Variants in SUSD1 observed in about 807,000 individuals in gnomAD.
The protein encoded by SUSD1 is sushi domain containing 1.
SUSD1 carries 65 observed loss-of-function variants against 86.9 expected under a neutral mutation model. The ratio of observed to expected loss-of-function variants is 0.75; its 90% CI spans 0.61 to 0.92. The LOEUF is 0.92. SUSD1 is among the 40% of genes least tolerant of loss of function. The pLI is 0.00. For synonymous variants in SUSD1, 346 were observed against 350.0 expected (o/e 0.99, Z 0.13); for missense variants, 850 against 929.7 (o/e 0.91, Z 1.11).
At chr9:112,053,513 C>CA (rs56987871) in intron 14 of SUSD1, among the ~76,000 whole-genome samples, 43,662 of 77,842 alleles carry the variant, frequency 0.56, 13,228 homozygotes, top group Middle Eastern at 0.73. Flanking sequence ...GACTTCGTCT[C>CA]AAAAAAAAAA....
At chr9:112,119,815 C>T (rs1245297455) in intron 6 of SUSD1, among the ~76,000 whole-genome samples, 1 of 152,134 alleles carries the variant, frequency 6.6e-6, no homozygotes. Flanking sequence ...AAAAATAAGT[C>T]CCACCAGCTT....
intron 15 of SUSD1, among the ~76,000 whole-genome samples, chr9:112,044,036 G>A (rs2118829744): frequency 6.6e-6 from 1 of 152,224 alleles, no homozygotes; most frequent in South Asian, 2.1e-4. Flanking sequence ...TTGACCTCAG[G>A]CGATCTGCCC....
chr9:112,083,471 G>A (rs1184887984), intron 10 of SUSD1, among the ~76,000 whole-genome samples: 1 of 152,042 alleles, frequency 6.6e-6, no homozygotes, highest in Admixed American at 6.6e-5. Context: ...CAAGTGATCC[G>A]CCCACCTTGG....
At chr9:112,081,456 CAGG>C (rs1829765258) in intron 10 of SUSD1, among the ~76,000 whole-genome samples, 1 of 152,158 alleles carries the variant, frequency 6.6e-6, no homozygotes, top group African/African-American at 2.4e-5. Flanking sequence ...TGGTAAGGAA[CAGG>C]AGGAGTACAG....
intron 2 of SUSD1, among the ~76,000 whole-genome samples, chr9:112,155,890 A>G (rs13439915): frequency 0.23 from 34,398 of 150,696 alleles, 4,245 homozygotes; most frequent in South Asian, 0.36. Context: ...AGAAGGAGAG[A>G]GGGAGAAGGA....
At chr9:112,087,765 T>C (rs534075505) in intron 10 of SUSD1, among the ~76,000 whole-genome samples, 109 of 152,320 alleles carry the variant, frequency 7.2e-4, no homozygotes, top group African/African-American at 2.6e-3. Context: ...TATAATTAAA[T>C]TATCTGAAGA....
At chr9:112,103,019 A>G (rs1438186793) in intron 8 of SUSD1, 1 of 354,734 alleles carries the variant, frequency 2.8e-6, no homozygotes, top group African/African-American at 2.2e-5. Flanking sequence ...GTCAGGAATA[A>G]TATCAGTGAT....
chr9:112,082,824 C>A (rs571003967), intron 10 of SUSD1, among the ~76,000 whole-genome samples: 1 of 152,202 alleles, frequency 6.6e-6, no homozygotes, highest in African/African-American at 2.4e-5. Context: ...CTCAAGTGAT[C>A]CCCCTGCCTC....
At chr9:112,116,029 A>G (rs1831309792) in intron 6 of SUSD1, among the ~76,000 whole-genome samples, 2 of 151,958 alleles carry the variant, frequency 1.3e-5, no homozygotes, top group South Asian at 2.1e-4. Flanking sequence ...GCTCACTTAC[A>G]CATCCCTTTG....
rs369646062 is a variant in SUSD1 at position 112,063,129 on chromosome 9, T to C, written c.1754-96A>G. On this transcript the variant is annotated intron_variant, in intron 12 of 16. Coordinates refer to ENST00000374270, the MANE Select transcript of SUSD1 (RefSeq NM_022486.5). ...CGTGAGGGCTATCAAAAAGAAAGTT[T>C]TAATTTCAGAAGCGAGGAGCCTATT... 147 of 736,346 alleles carry C rather than the reference T, an allele frequency of 2.0e-4. 1 individual carries two copies. In the East Asian group the frequency reaches 3.4e-3, roughly 17 times the overall value. The allele number at this position is 736,346 out of a possible 1,614,324, so 45.6% of individuals were successfully genotyped here. A position where few individuals can be genotyped will look rare whatever the true frequency, so the allele number is the denominator to read the frequency against.
intron 5 of SUSD1, among the ~76,000 whole-genome samples, chr9:112,127,466 C>A (rs1831822782): frequency 6.6e-6 from 1 of 152,184 alleles, no homozygotes; most frequent in South Asian, 2.1e-4. Context: ...TGCACTCACA[C>A]CTTCTTCTGC....
chr9:112,097,193 G>A (rs1830431487), intron 10 of SUSD1, among the ~76,000 whole-genome samples: 1 of 151,644 alleles, frequency 6.6e-6, no homozygotes, highest in Non-Finnish European at 1.5e-5. Flanking sequence ...GGGCATGGTG[G>A]TATGCGCCTG....
chr9:112,175,148 C>T lies in SUSD1; in HGVS notation c.88G>A (p.Ala30Thr). ...LLGLARGAAG[A>T]PGPDGLDVCA... ...CCGCACTCACCGTCGGGGCCCGGCG[C>T]TCCCGCGGCGCCGCGGGCCAGGCCG... Residue 30 changes from alanine (A) to threonine (T), a missense_variant, in exon 1 of 17, where the codon GCG becomes ACG. Transcript: ENST00000374270. This position sits in a 1 kb window ranked among gnomAD's most constrained non-coding sequence, Gnocchi z 4.7. 3 of 1,072,644 alleles carry T rather than the reference C, an allele frequency of 2.8e-6. No individual in the cohort carries two copies. Among genetic ancestry groups the T allele is most frequent in the Non-Finnish European group, 3.4e-6 (3 of 889,198 alleles). The allele number at this position is 1,072,644 out of a possible 1,614,324, so 66.4% of individuals were successfully genotyped here.
At chr9:112,137,219 G>A (rs1192578023) in intron 5 of SUSD1, among the ~76,000 whole-genome samples, 2 of 152,164 alleles carry the variant, frequency 1.3e-5, no homozygotes, top group Admixed American at 1.3e-4. Context: ...GCTCAGAAAG[G>A]AGCAGGCACA....
Position 112,041,871 on chromosome 9 carries a change from C to T in SUSD1, c.2239G>A (p.Val747Met), listed in dbSNP as rs773432036. ...AAAAATGACACCCTCACATACCACA[C>T]CGCTGAGAAGGAGAGGAATGTGAGA... is the stretch of plus-strand genomic sequence containing the variant. ...IILTFLSFSA[V>M] is the part of the protein sequence containing the mutation. The change falls in exon 16 of 17, where the codon GTG (valine) becomes ATG (methionine). Residue 747 changes from valine (V) to methionine (M), a missense_variant. By Grantham distance (21) the Val-to-Met change is conservative. Coordinates refer to ENST00000374270, the MANE Select transcript of SUSD1 (RefSeq NM_022486.5). 6 of 1,613,606 alleles carry T rather than the reference C, an allele frequency of 3.7e-6. No individual in the cohort carries two copies. Among genetic ancestry groups the T allele is most frequent in the Non-Finnish European group, 4.2e-6 (5 of 1,179,734 alleles).
At chr9:112,048,456 G>A (rs1394520502) in intron 15 of SUSD1, among the ~76,000 whole-genome samples, 2 of 152,072 alleles carry the variant, frequency 1.3e-5, no homozygotes, top group African/African-American at 4.8e-5. Flanking sequence ...TTTATATCCT[G>A]ATGTAAGTCT....
chr9:112,163,896 G>A (rs963933262), intron 1 of SUSD1, among the ~76,000 whole-genome samples: 3 of 151,960 alleles, frequency 2.0e-5, no homozygotes, highest in African/African-American at 7.3e-5. Flanking sequence ...AGCTACTCAG[G>A]TGGCTGAGGC....
chr9:112,075,001 GAGTA>G (rs750170200), intron 12 of SUSD1, among the ~76,000 whole-genome samples: 35 of 152,126 alleles, frequency 2.3e-4, no homozygotes, highest in Middle Eastern at 3.4e-3. Context: ...ACCAAACAAG[GAGTA>G]AGTGTCTCAT....
intron 1 of SUSD1, among the ~76,000 whole-genome samples, chr9:112,163,849 A>G (rs1228456735): frequency 6.6e-6 from 1 of 150,502 alleles, no homozygotes; most frequent in Non-Finnish European, 1.5e-5. Flanking sequence ...AATACAAAAA[A>G]AATTAGCTAG....
Sources: gnomAD v4.1 joint callset for allele counts (sites outside exome capture counted in the v4.1 genomes callset) on GRCh38, gnomAD v4.1.1 for gene constraint, Gnocchi (gnomAD v3.1) non-coding constraint, MANE v1.5 for transcripts, NCBI Gene and HGNC (gene_info 2026-07-23, HGNC 2026-07-21) for gene names.